PIK3CD: variants seen among roughly 807,000 people sequenced by gnomAD.
PIK3CD encodes the protein phosphatidylinositol-4,5-bisphosphate 3-kinase catalytic subunit delta.
In PIK3CD, 20 loss-of-function variants were observed where a neutral mutation model predicts 122.9. The observed-to-expected ratio is 0.16, with a 90% confidence interval of 0.11 to 0.24. PIK3CD has a LOEUF of 0.24. PIK3CD is among the 10% of genes least tolerant of loss of function. The probability of loss-of-function intolerance (pLI) is 1.00; values close to 1 mark genes in which losing one functional copy is unlikely to be tolerated. For missense variants in PIK3CD, 787 were observed against 1,406.3 expected (o/e 0.56, Z 7.04); for synonymous variants, 596 against 593.4 (o/e 1.00, Z -0.06).
At chr1:9,670,150 C>CA (rs375500599) in intron 1 of PIK3CD, among the ~76,000 whole-genome samples, 10,529 of 59,762 alleles carry the variant, frequency 0.18, 822 homozygotes, top group African/African-American at 0.28. Context: ...AATTCCACCT[C>CA]AAAAAAAAAA....
At position 9,700,217 on chromosome 1, in the gene PIK3CD, C is replaced by T. The variant is rs1462028840; in HGVS notation, c.-33+8646C>T. On this transcript the variant is annotated intron_variant, in intron 2 of 23. Transcript: ENST00000377346. This position sits in a 1 kb window ranked among gnomAD's most constrained non-coding sequence, Gnocchi z 5.1. Reference sequence around the variant, plus strand: ...GTGATCTCGGCTCATTGCAGCCTCCCCCTCGCAGGTTCAAGTGATTCTCGT... The same window carrying T: ...GTGATCTCGGCTCATTGCAGCCTCCTCCTCGCAGGTTCAAGTGATTCTCGT... 6.7e-6 allele frequency among the ~76,000 whole-genome samples: 1 copy of T among 148,434 alleles called. No individual in the cohort carries two copies. Among genetic ancestry groups the T allele is most frequent in the Non-Finnish European group, 1.5e-5 (1 of 66,656 alleles).
chr1:9,642,061 G>A, the PIK3CD span, among the ~76,000 whole-genome samples: 1 of 152,074 alleles, frequency 6.6e-6, no homozygotes, highest in East Asian at 1.9e-4. Flanking sequence ...TTACTACAGG[G>A]AGTGCAGCCT....
intron 1 of PIK3CD, among the ~76,000 whole-genome samples, chr1:9,679,360 G>A (rs1036340164): frequency 6.6e-6 from 1 of 151,982 alleles, no homozygotes; most frequent in Non-Finnish European, 1.5e-5. Context: ...GAGCCACCGC[G>A]CCTGGTCTGG....
chr1:9,691,472 G>A lies in PIK3CD; in HGVS notation c.-132G>A. On this transcript the variant is annotated 5_prime_UTR_variant, in exon 2 of 24. Transcript: ENST00000377346. ...TTCTTTCTTTTCCCCAACAGATAAG[G>A]AGTCAGGCCAGGGCGGGATGACACT... is the stretch of plus-strand genomic sequence containing the variant. 1 of 398,532 alleles carries A rather than the reference G, an allele frequency of 2.5e-6. No homozygotes were observed. The highest frequency in any genetic ancestry group is 1.3e-4 in the South Asian group (1 of 7,854). 24.7% of individuals were successfully genotyped at this position (398,532 alleles called of 1,614,324 possible). A position where few individuals can be genotyped will look rare whatever the true frequency, so the allele number is the denominator to read the frequency against.
At chr1:9,670,352 T>C (rs545907417) in intron 1 of PIK3CD, among the ~76,000 whole-genome samples, 1 of 152,146 alleles carries the variant, frequency 6.6e-6, no homozygotes, top group Non-Finnish European at 1.5e-5. Flanking sequence ...CCGGTGATGA[T>C]GTGTGGTCTA....
At chr1:9,640,111 G>A in the PIK3CD span, among the ~76,000 whole-genome samples, 1 of 148,838 alleles carries the variant, frequency 6.7e-6, no homozygotes, top group African/African-American at 2.5e-5. Flanking sequence ...TCAGTTCATC[G>A]CTGTGACCCC....
At chr1:9,687,576 G>A (rs1474894567) in intron 1 of PIK3CD, 1 of 152,036 alleles carries the variant, frequency 6.6e-6, no homozygotes, top group Non-Finnish European at 1.5e-5. Flanking sequence ...AGGGAGAGAT[G>A]GGAGGGCGTG....
chr1:9,718,863 T>C lies in PIK3CD; in HGVS notation c.1190T>C (p.Val397Ala), dbSNP rs1426700543. The stretch of plus-strand genomic sequence containing the variant: ...CGTCTCTGCTTTGCGCTGTACGCCG[T>C]GATCGAGAAAGCCAAGAAGGCTCGC... ...MARLCFALYAVIEKAKKARST... is the reference protein window; with the variant it reads ...MARLCFALYAAIEKAKKARST... Residue 397 changes from valine (V) to alanine (A), a missense_variant, in exon 9 of 24, where the codon GTG becomes GCG. Physicochemically the swap from Val to Ala is moderately conservative, Grantham distance 64. Around this residue, in one of 6 missense-constraint regions of PIK3CD, gnomAD observed 592 missense variants for 920.6 expected, o/e 0.64. Transcript: ENST00000377346. This position sits in a 1 kb window ranked among gnomAD's most constrained non-coding sequence, Gnocchi z 7.2. 1 of 1,613,016 alleles carries C rather than the reference T, an allele frequency of 6.2e-7. No homozygotes were observed. Among genetic ancestry groups the C allele is most frequent in the Non-Finnish European group, 8.5e-7 (1 of 1,179,988 alleles).
chr1:9,660,357 A>T (rs1644976091), intron 1 of PIK3CD, among the ~76,000 whole-genome samples: 1 of 152,208 alleles, frequency 6.6e-6, no homozygotes, highest in Non-Finnish European at 1.5e-5. Flanking sequence ...GTATATACCC[A>T]AATTGCTGGA....
rs1181234029 is a variant in PIK3CD, at chr1:9,723,040, G to C, written c.2427-85G>C. The C allele has an allele frequency of 2.9e-6, 4 of 1,365,150 alleles. No individual in the cohort carries two copies. The Admixed American group carries it at 6.7e-5, about 23-fold the overall frequency. The allele number at this position is 1,365,150 out of a possible 1,614,324, so 84.6% of individuals were successfully genotyped here. ...AGCAGCATCTTCTGTGGCTTTTTGG[G>C]GCACCATGAGTTTCTGGGGCTCAAG... On this transcript the variant is annotated intron_variant, in intron 19 of 23. Transcript: ENST00000377346. The surrounding 1 kb of genome is among the most constrained non-coding windows in gnomAD (Gnocchi z 4.9).
intron 3 of PIK3CD, among the ~76,000 whole-genome samples, chr1:9,714,217 T>G (rs1227103807): frequency 6.6e-6 from 1 of 152,186 alleles, no homozygotes; most frequent in Non-Finnish European, 1.5e-5. Flanking sequence ...TTATTAAAAT[T>G]CAAACAGTGC....
rs531242500 is a variant in PIK3CD, at chr1:9,694,062, G to A, written c.-33+2491G>A. 5.9e-5 allele frequency among the ~76,000 whole-genome samples: 9 copies of A among 152,302 alleles called. No homozygotes were observed. The South Asian group carries it at 1.0e-3, about 18-fold the overall frequency. ...GCAGCAGAGGCACTGCATGGAGAAC[G>A]AAAGGGTCAAGCGAGTTAGTTTGCC... On this transcript the variant is annotated intron_variant, in intron 2 of 23. Coordinates refer to ENST00000377346, the MANE Select transcript of PIK3CD (RefSeq NM_005026.5).
Position 9,689,431 on chromosome 1 carries a change from A to G in PIK3CD, c.-137-2036A>G, listed in dbSNP as rs1646102755. ...CGGCTGGGGGTGTGAGAATTTGCCGACGGTGCCCGCGCCGCCGCCGGCCCC... is the reference window on the plus strand; with the variant it reads ...CGGCTGGGGGTGTGAGAATTTGCCGGCGGTGCCCGCGCCGCCGCCGGCCCC... On this transcript the variant is annotated intron_variant, in intron 1 of 23. Coordinates refer to ENST00000377346, the MANE Select transcript of PIK3CD (RefSeq NM_005026.5). The surrounding 1 kb of genome is among the most constrained non-coding windows in gnomAD (Gnocchi z 6.1). Among the ~76,000 whole-genome samples the G allele has an allele frequency of 6.7e-6, 1 of 150,348 alleles. No individual in the cohort carries two copies. The highest frequency in any genetic ancestry group is 2.4e-5 in the African/African-American group (1 of 41,158).
the PIK3CD span, among the ~76,000 whole-genome samples, chr1:9,635,678 C>T: frequency 8.5e-5 from 13 of 152,340 alleles, no homozygotes; most frequent in African/African-American, 2.9e-4. Context: ...GGGGGATCTC[C>T]TAGAGCCGGA....
intron 1 of PIK3CD, among the ~76,000 whole-genome samples, chr1:9,660,159 C>G (rs566901388): frequency 6.6e-6 from 1 of 152,292 alleles, no homozygotes; most frequent in South Asian, 2.1e-4. Context: ...GCGATCTGCT[C>G]GCTCGGCCTC....
intron 23 of PIK3CD, 80 bp downstream of exon 23, chr1:9,725,016 G>A: frequency 6.5e-7 from 1 of 1,529,514 alleles, no homozygotes; most frequent in Non-Finnish European, 8.9e-7. Context: ...GGAGGGCCCT[G>A]AATGCAGTAG....
At chr1:9,627,461 G>A in the PIK3CD span, among the ~76,000 whole-genome samples, 3 of 152,270 alleles carry the variant, frequency 2.0e-5, no homozygotes, top group Non-Finnish European at 4.4e-5. Context: ...CTGCCTGCAC[G>A]AAGGCGTGGG....
At chr1:9,702,377 C>G (rs1049792579) in intron 2 of PIK3CD, among the ~76,000 whole-genome samples, 1 of 151,972 alleles carries the variant, frequency 6.6e-6, no homozygotes, top group Non-Finnish European at 1.5e-5. Context: ...AGAGAGACGC[C>G]TTAGGGCCTG....
intron 1 of PIK3CD, among the ~76,000 whole-genome samples, chr1:9,665,492 G>T (rs1645132219): frequency 6.6e-6 from 1 of 151,364 alleles, no homozygotes; most frequent in Admixed American, 6.6e-5. Flanking sequence ...ATTCCGCACA[G>T]GGCTGTGGAA....
Sources: allele counts gnomAD v4.1 joint callset (sites outside exome capture counted in the v4.1 genomes callset), GRCh38; gene constraint gnomAD v4.1.1; regional missense constraint gnomAD v4.1.1; non-coding constraint Gnocchi (gnomAD v3.1); transcripts MANE v1.5; gene names NCBI Gene and HGNC (gene_info 2026-07-23, HGNC 2026-07-21).